CNOT7: variants seen among roughly 807,000 people sequenced by gnomAD.
The protein encoded by CNOT7 is CCR4-NOT transcription complex subunit 7, also known as BTG1-binding factor 1.
In CNOT7, 4 loss-of-function variants were observed where a neutral mutation model predicts 37.1. The observed-to-expected ratio is 0.11, with a 90% CI of 0.05 to 0.25. The LOEUF (loss-of-function observed/expected upper bound fraction) is 0.25. Ranked by LOEUF, CNOT7 falls within the 10% of genes least tolerant of loss-of-function variation. The pLI is 1.00. For missense variants in CNOT7, 170 were observed against 336.2 expected, an observed-to-expected ratio of 0.51 and a Z score of 3.87; for synonymous variants, 128 against 115.6, an observed-to-expected ratio of 1.11 and a Z score of -0.69.
chr8:17,232,136 G>T (rs943416451), intron 6 of CNOT7: 5 of 1,083,238 alleles, frequency 4.6e-6, no homozygotes, highest in Non-Finnish European at 5.8e-6. Flanking sequence ...GAAGTTATTA[G>T]CCTGTTTTCT....
intron 1 of CNOT7, chr8:17,246,201 C>G (rs1424944294): frequency 1.3e-5 from 2 of 152,256 alleles, no homozygotes; most frequent in Non-Finnish European, 2.9e-5. Flanking sequence ...CCCAGAAGCC[C>G]CGAAGAGACA....
chr8:17,237,634 C>CCTG, intron 3 of CNOT7: 3 of 347,394 alleles, frequency 8.6e-6, no homozygotes, highest in South Asian at 1.1e-4. Flanking sequence ...CTCTATTAGC[C>CCTG]TTTCATACTT....
At position 17,245,214 on chromosome 8, in the gene CNOT7, G is replaced by C; in HGVS notation, c.-62C>G. 1 of 1,500,032 alleles carries C rather than the reference G, an allele frequency of 6.7e-7. No individual in the cohort carries two copies. The highest frequency in any genetic ancestry group is 1.3e-5 in the South Asian group (1 of 77,814). The allele number at this position is 1,500,032 out of a possible 1,614,324, so 92.9% of individuals were successfully genotyped here. On this transcript the variant is annotated 5_prime_UTR_variant, in exon 2 of 7. Coordinates refer to ENST00000361272, the MANE Select transcript of CNOT7 (RefSeq NM_013354.7). ...AAATGTTATACTTGATTGAAGATTT[G>C]TTTCATAAAATATTTTATCCTTTAT...
chr8:17,232,340 A>T, intron 6 of CNOT7, 87 bp downstream of exon 6: 1 of 1,606,974 alleles, frequency 6.2e-7, no homozygotes. Context: ...CTTAGTAGGT[A>T]CTTGTTGCCC....
rs1217440697 is a variant in CNOT7 at position 17,243,201 on chromosome 8, A to C, written c.118-16T>G. On this transcript the variant is annotated splice_polypyrimidine_tract_variant and intron_variant, in intron 2 of 6. Transcript: ENST00000361272. The stretch of plus-strand genomic sequence containing the variant: ...ACTCGGTGTCCTGTAAAATAGTTTT[A>C]AGATTCATTATGTACTAAACAGTCA... 1 of 1,572,062 alleles carries C rather than the reference A, an allele frequency of 6.4e-7. No individual in the cohort carries two copies. Among genetic ancestry groups the C allele is most frequent in the East Asian group, 2.3e-5 (1 of 44,280 alleles).
rs572851967 is a variant in CNOT7 at position 17,226,609 on chromosome 8, T to G, written c.*4111A>C. ...ATGCTTTTAAAATTTAAAAATTTTC[T>G]TTGCACTGCATCAAGGTCCAAAAAA... On this transcript the variant is annotated 3_prime_UTR_variant, in exon 7 of 7. Coordinates refer to ENST00000361272, the MANE Select transcript of CNOT7 (RefSeq NM_013354.7). 2.0e-5 allele frequency: 3 copies of G among 151,852 alleles called. No individual in the cohort carries two copies. Among genetic ancestry groups the G allele is most frequent in the Non-Finnish European group, 3.0e-5 (2 of 67,726 alleles). 9.4% of individuals were successfully genotyped at this position (151,852 alleles called of 1,614,324 possible). A position where few individuals can be genotyped will look rare whatever the true frequency, so the allele number is the denominator to read the frequency against.
intron 2 of CNOT7, 118 bp downstream of exon 2, chr8:17,244,918 A>G: frequency 1.2e-6 from 1 of 849,304 alleles, no homozygotes; most frequent in Non-Finnish European, 1.8e-6. Context: ...GACAAATTTT[A>G]CTTTTCATGG....
chr8:17,243,560 G>C (rs1289808841), intron 2 of CNOT7: 1 of 464,058 alleles, frequency 2.2e-6, no homozygotes, highest in East Asian at 6.7e-5. Context: ...TTCAAAAGAG[G>C]GGAAAACGCC....
chr8:17,243,260 C>G, intron 2 of CNOT7, 75 bp from the exon 3 acceptor site: 3 of 1,139,388 alleles, frequency 2.6e-6, no homozygotes, highest in Non-Finnish European at 3.8e-6. Context: ...ATTTTTGATG[C>G]AAATCAAAGA....
At position 17,229,908 on chromosome 8, in the gene CNOT7, A is replaced by C. The variant is rs1248816321; in HGVS notation, c.*812T>G. On this transcript the variant is annotated 3_prime_UTR_variant, in exon 7 of 7. Transcript: ENST00000361272. The stretch of plus-strand genomic sequence containing the variant: ...GATCAAGGGAAGTGTGCTATCATAA[A>C]ATAACTGTAGCTTCAACATCTTGAG... 1 of 152,336 alleles carries C rather than the reference A, an allele frequency of 6.6e-6. No individual in the cohort carries two copies. The highest frequency in any genetic ancestry group is 1.5e-5 in the Non-Finnish European group (1 of 67,882). The allele number at this position is 152,336 out of a possible 1,614,324, so 9.4% of individuals were successfully genotyped here. A position where few individuals can be genotyped will look rare whatever the true frequency, so the allele number is the denominator to read the frequency against.
chr8:17,241,883 C>G (rs1163141341), intron 3 of CNOT7: 1 of 152,082 alleles, frequency 6.6e-6, no homozygotes, highest in African/African-American at 2.4e-5. Context: ...TAAATGTGAG[C>G]TATATGTAAA....
At position 17,228,379 on chromosome 8, in the gene CNOT7, CCAGTAAAAGTCAAAATG is replaced by C. The variant is rs1808297962; in HGVS notation, c.*2324_*2340del. ...CAAAATAAAAAAGTAAAACTTAGAC[CCAGTAAAAGTCAAAATG>C]TTCCTCTACAAAAGTTACACTATAC... On this transcript the variant is annotated 3_prime_UTR_variant, in exon 7 of 7. Transcript: ENST00000361272. 1 of 151,796 alleles carries C rather than the reference CCAGTAAAAGTCAAAATG, an allele frequency of 6.6e-6. No homozygotes were observed. The highest frequency in any genetic ancestry group is 2.4e-5 in the African/African-American group (1 of 41,378). The allele number at this position is 151,796 out of a possible 1,614,324, so 9.4% of individuals were successfully genotyped here.
intron 2 of CNOT7, 74 bp from the exon 3 acceptor site, chr8:17,243,259 G>C: frequency 8.8e-7 from 1 of 1,137,706 alleles, no homozygotes; most frequent in East Asian, 2.4e-5. Context: ...AATTTTTGAT[G>C]CAAATCAAAG....
rs971449249 is a variant in CNOT7, at chr8:17,228,112, T to G, written c.*2608A>C. On this transcript the variant is annotated 3_prime_UTR_variant, in exon 7 of 7. Transcript: ENST00000361272. ...TTGAATTTCATGTAATTTTCAGATG[T>G]CAGGAAATAATCTTTTGATTATTTT... 15 of 151,924 alleles carry G rather than the reference T, an allele frequency of 9.9e-5. No homozygotes were observed. The highest frequency in any genetic ancestry group is 3.4e-4 in the African/African-American group (14 of 41,438). 9.4% of individuals were successfully genotyped at this position (151,924 alleles called of 1,614,324 possible).
At chr8:17,231,936 C>T in intron 6 of CNOT7, 1 of 987,104 alleles carries the variant, frequency 1.0e-6, no homozygotes, top group Non-Finnish European at 1.2e-6. Flanking sequence ...AGCCTGAGTT[C>T]TTCTCTATAA....
At position 17,228,437 on chromosome 8, in the gene CNOT7, A is replaced by C. The variant is rs1357342705; in HGVS notation, c.*2283T>G. The C allele has an allele frequency of 3.9e-5, 6 of 151,962 alleles. No homozygotes were observed. The highest frequency in any genetic ancestry group is 8.8e-5 in the Non-Finnish European group (6 of 67,864). 9.4% of individuals were successfully genotyped at this position (151,962 alleles called of 1,614,324 possible). Reference sequence around the variant, plus strand: ...TACACTATACGGTTGCTCAACCTACAATGAGGTTACATCTGAAAAAATACT... The same window carrying C: ...TACACTATACGGTTGCTCAACCTACCATGAGGTTACATCTGAAAAAATACT... On this transcript the variant is annotated 3_prime_UTR_variant, in exon 7 of 7. Transcript: ENST00000361272.
intron 3 of CNOT7, among the ~76,000 whole-genome samples, chr8:17,238,216 A>G (rs1387636897): frequency 6.6e-6 from 1 of 152,198 alleles, no homozygotes; most frequent in Non-Finnish European, 1.5e-5. Context: ...ATACGTGAAA[A>G]AGTGTTTTTT....
At position 17,230,615 on chromosome 8, in the gene CNOT7, G is replaced by A. The variant is rs1429377102; in HGVS notation, c.*105C>T. 5.7e-6 allele frequency: 5 copies of A among 884,468 alleles called. No homozygotes were observed. The highest frequency in any genetic ancestry group is 3.2e-6 in the Non-Finnish European group (2 of 619,734). The allele number at this position is 884,468 out of a possible 1,614,324, so 54.8% of individuals were successfully genotyped here. A position where few individuals can be genotyped will look rare whatever the true frequency, so the allele number is the denominator to read the frequency against. On this transcript the variant is annotated 3_prime_UTR_variant, in exon 7 of 7. Transcript: ENST00000361272. ...GCAGACAATAAAATGGGCCATGAAA[G>A]GGGGGGGAAAGGTACTGTCTATTGT...
rs1266739219 is a variant in CNOT7, at chr8:17,229,053, C to G, written c.*1667G>C. 2 of 151,878 alleles carry G rather than the reference C, an allele frequency of 1.3e-5. No homozygotes were observed. The highest frequency in any genetic ancestry group is 2.9e-5 in the Non-Finnish European group (2 of 67,836). The allele number at this position is 151,878 out of a possible 1,614,324, so 9.4% of individuals were successfully genotyped here. A position where few individuals can be genotyped will look rare whatever the true frequency, so the allele number is the denominator to read the frequency against. ...AGCTAGTTGAGGTACTCATAAAGAA[C>G]AAGAATAAGCCAACACTTGAAATGC... On this transcript the variant is annotated 3_prime_UTR_variant, in exon 7 of 7. Coordinates refer to ENST00000361272, the MANE Select transcript of CNOT7 (RefSeq NM_013354.7).
Sources: gnomAD v4.1 joint callset for allele counts (sites outside exome capture counted in the v4.1 genomes callset) on GRCh38, gnomAD v4.1.1 for gene constraint, MANE v1.5 for transcripts, NCBI Gene and HGNC (gene_info 2026-07-23, HGNC 2026-07-21) for gene names.